The following NTSR1 variants were observed in gnomAD, a reference collection of about 807,000 sequenced individuals.
The protein encoded by NTSR1 is neurotensin receptor 1.
In NTSR1, 29 loss-of-function variants were observed where a neutral mutation model predicts 31.2. The ratio of observed to expected loss-of-function variants is 0.93; its 90% CI spans 0.69 to 1.27. The LOEUF (loss-of-function observed/expected upper bound fraction) is 1.27, where lower values mean the gene tolerates loss of function less well. NTSR1 is among the 50% of genes most tolerant of loss of function. The pLI is 0.00. For missense variants in NTSR1, 697 were observed against 595.4 expected (o/e 1.17, Z -1.78); for synonymous variants, 282 against 269.9 (o/e 1.04, Z -0.44).
At position 62,758,908 on chromosome 20, in the gene NTSR1, C is replaced by T. The variant is rs929106905; in HGVS notation, c.1007+552C>T. 6.6e-6 allele frequency among the ~76,000 whole-genome samples: 1 copy of T among 152,160 alleles called. No individual in the cohort carries two copies. Among genetic ancestry groups the T allele is most frequent in the African/African-American group, 2.4e-5 (1 of 41,422 alleles). On this transcript the variant is annotated intron_variant, in intron 3 of 3. Transcript: ENST00000370501. This position sits in a 1 kb window ranked among gnomAD's most constrained non-coding sequence, Gnocchi z 4.5. The stretch of plus-strand genomic sequence containing the variant: ...GAGCCTCACAGGACGATATGGGGGC[C>T]GATCACAGGGGCACCCACTGCCTGG...
At chr20:62,753,741 C>G (rs1989432339) in intron 1 of NTSR1, among the ~76,000 whole-genome samples, 1 of 152,238 alleles carries the variant, frequency 6.6e-6, no homozygotes, top group African/African-American at 2.4e-5. Context: ...ATTCCACTGC[C>G]CCAGGGAGGG....
intron 1 of NTSR1, among the ~76,000 whole-genome samples, chr20:62,750,927 G>A (rs1193066393): frequency 6.6e-6 from 1 of 152,160 alleles, no homozygotes; most frequent in Non-Finnish European, 1.5e-5. Flanking sequence ...CCAGGCTGGA[G>A]TGCAGTGGCG....
chr20:62,741,950 A>G lies in NTSR1; in HGVS notation c.715-12735A>G, dbSNP rs1388578136. On this transcript the variant is annotated intron_variant, in intron 1 of 3. Coordinates refer to ENST00000370501, the MANE Select transcript of NTSR1 (RefSeq NM_002531.3). This position sits in a 1 kb window ranked among gnomAD's most constrained non-coding sequence, Gnocchi z 4.3. ...TCTTTATCTACAAAAGGAGCCTGAC[A>G]GGAGCCTCTGCCTCACAGATGAGAC... is the stretch of plus-strand genomic sequence containing the variant. Among the ~76,000 whole-genome samples, 1 of 149,506 alleles carries G rather than the reference A, an allele frequency of 6.7e-6. No individual in the cohort carries two copies.
Position 62,732,334 on chromosome 20 carries a change from C to T in NTSR1, c.715-22351C>T, listed in dbSNP as rs183416298. 1.2e-3 allele frequency among the ~76,000 whole-genome samples: 184 copies of T among 152,270 alleles called. No homozygotes were observed. Among genetic ancestry groups the T allele is most frequent in the African/African-American group, 3.6e-3 (151 of 41,556 alleles). ...GTAGGTTTTTAGTAGATGTTCTCTA[C>T]CAAGCTGAGGGAGTTCCCTTGTATT... On this transcript the variant is annotated intron_variant, in intron 1 of 3. Transcript: ENST00000370501. The surrounding 1 kb of genome is among the most constrained non-coding windows in gnomAD (Gnocchi z 4.0).
intron 1 of NTSR1, among the ~76,000 whole-genome samples, chr20:62,750,690 C>CAAA (rs59850535): frequency 1.4e-3 from 74 of 54,792 alleles, no homozygotes; most frequent in Non-Finnish European, 2.1e-3. Flanking sequence ...GACTCCGTCT[C>CAAA]AAAAAAAAAA....
intron 1 of NTSR1, among the ~76,000 whole-genome samples, chr20:62,734,315 A>AC (rs1199863482): frequency 6.6e-6 from 1 of 151,462 alleles, no homozygotes; most frequent in African/African-American, 2.4e-5. Context: ...AAAAAAAAAA[A>AC]TCTTGGCTCA....
At chr20:62,755,852 TCCTC>T (rs1167767461) in intron 2 of NTSR1, among the ~76,000 whole-genome samples, 2 of 41,698 alleles carry the variant, frequency 4.8e-5, no homozygotes, top group African/African-American at 2.0e-4. Context: ...CCTCCATCCA[TCCTC>T]CCTCCCTCCA....
chr20:62,729,485 C>T (rs950453804), intron 1 of NTSR1, among the ~76,000 whole-genome samples: 1 of 152,154 alleles, frequency 6.6e-6, no homozygotes, highest in Non-Finnish European at 1.5e-5. Context: ...ACACAGGTGA[C>T]ACAGGTGTAG....
chr20:62,760,228 C>T lies in NTSR1; in HGVS notation c.1218C>T (p.His406=). The T allele has an allele frequency of 3.1e-6, 5 of 1,613,508 alleles. No individual in the cohort carries two copies. The highest frequency in any genetic ancestry group is 1.1e-5 in the South Asian group (1 of 91,078). The change falls in exon 4 of 4, where the codon CAC becomes CAT. Residue 406 remains histidine (H), a synonymous_variant. Coordinates refer to ENST00000370501, the MANE Select transcript of NTSR1 (RefSeq NM_002531.3). ...SRKADSVSSN[H]TLSSNATRET... ...AGGCCGACAGCGTGTCCAGCAACCA[C>T]ACCCTCTCCAGCAATGCCACCCGCG...
At chr20:62,735,591 T>C (rs1188353603) in intron 1 of NTSR1, among the ~76,000 whole-genome samples, 3 of 152,194 alleles carry the variant, frequency 2.0e-5, no homozygotes, top group Non-Finnish European at 2.9e-5. Flanking sequence ...TGGGCGGGGA[T>C]GATTCAGAGA....
rs1391805030 is a variant in NTSR1, at chr20:62,745,689, G to A, written c.715-8996G>A. ...CAGACAGAGACACATATTCTGCCTCGCCTCCAAATCCAGCTTGGCGTGGAC... is the reference window on the plus strand; with the variant it reads ...CAGACAGAGACACATATTCTGCCTCACCTCCAAATCCAGCTTGGCGTGGAC... On this transcript the variant is annotated intron_variant, in intron 1 of 3. Coordinates refer to ENST00000370501, the MANE Select transcript of NTSR1 (RefSeq NM_002531.3). The surrounding 1 kb of genome is among the most constrained non-coding windows in gnomAD (Gnocchi z 4.1). 6.6e-6 allele frequency among the ~76,000 whole-genome samples: 1 copy of A among 152,214 alleles called. No homozygotes were observed. The highest frequency in any genetic ancestry group is 2.4e-5 in the African/African-American group (1 of 41,452).
rs567609047 is a variant in NTSR1, at chr20:62,750,956, G to A, written c.715-3729G>A. Among the ~76,000 whole-genome samples the A allele has an allele frequency of 2.7e-3, 408 of 152,266 alleles. 4 individuals are homozygous for A. The highest frequency in any genetic ancestry group is 9.5e-3 in the African/African-American group (394 of 41,536). ...AGTGGCGAAGTCATAGCTCACTGTA[G>A]CCTCAAACTCCTGGGCTCAAACAAT... On this transcript the variant is annotated intron_variant, in intron 1 of 3. Coordinates refer to ENST00000370501, the MANE Select transcript of NTSR1 (RefSeq NM_002531.3).
intron 1 of NTSR1, among the ~76,000 whole-genome samples, chr20:62,740,989 G>A (rs1311958742): frequency 6.6e-6 from 1 of 152,076 alleles, no homozygotes; most frequent in Non-Finnish European, 1.5e-5. Context: ...GACTAATGGG[G>A]CACACTGGGG....
At chr20:62,730,642 G>A (rs1988987150) in intron 1 of NTSR1, among the ~76,000 whole-genome samples, 1 of 152,230 alleles carries the variant, frequency 6.6e-6, no homozygotes, top group Non-Finnish European at 1.5e-5. Flanking sequence ...GATACGTTGA[G>A]CTTTGTAGGA....
intron 1 of NTSR1, among the ~76,000 whole-genome samples, chr20:62,717,663 G>A (rs1459283617): frequency 5.3e-5 from 8 of 152,194 alleles, no homozygotes; most frequent in Admixed American, 3.9e-4. Flanking sequence ...ATGCAGCAGC[G>A]CTTGGGAGGG....
rs889518529 is a variant in NTSR1, at chr20:62,742,447, G to A, written c.715-12238G>A. Among the ~76,000 whole-genome samples the A allele has an allele frequency of 6.7e-6, 1 of 149,498 alleles. No individual in the cohort carries two copies. The highest frequency in any genetic ancestry group is 2.5e-5 in the African/African-American group (1 of 40,044). ...GCATTCCAGATCCCAGCAGCATCTC[G>A]AGCCGGGCCTGGTACTGCTTAGATG... On this transcript the variant is annotated intron_variant, in intron 1 of 3. Transcript: ENST00000370501. The surrounding 1 kb of genome is among the most constrained non-coding windows in gnomAD (Gnocchi z 7.1).
chr20:62,755,937 C>G (rs1021414677), intron 2 of NTSR1, among the ~76,000 whole-genome samples: 1 of 141,062 alleles, frequency 7.1e-6, no homozygotes, highest in Non-Finnish European at 1.5e-5. Context: ...CCTTCCCTCC[C>G]TTGTTCCATT....
chr20:62,712,021 G>T lies in NTSR1; in HGVS notation c.714+2100G>T, dbSNP rs145673199. ...ATTTTTCTTTAAAGGGCTCAGCTGC[G>T]TGCCTGGGAGCAGCTGATTACAAGG... is the stretch of plus-strand genomic sequence containing the variant. On this transcript the variant is annotated intron_variant, in intron 1 of 3. Coordinates refer to ENST00000370501, the MANE Select transcript of NTSR1 (RefSeq NM_002531.3). 4.2e-3 allele frequency among the ~76,000 whole-genome samples: 634 copies of T among 152,340 alleles called. 3 individuals carry two copies. Among genetic ancestry groups the T allele is most frequent in the African/African-American group, 0.014 (586 of 41,572 alleles).
At chr20:62,750,718 C>T (rs1355005225) in intron 1 of NTSR1, among the ~76,000 whole-genome samples, 4 of 146,256 alleles carry the variant, frequency 2.7e-5, no homozygotes, top group Non-Finnish European at 6.0e-5. Context: ...AAAAACAATA[C>T]TGCATTGCAC....
Sources: gnomAD v4.1 joint callset for allele counts (sites outside exome capture counted in the v4.1 genomes callset) on GRCh38, gnomAD v4.1.1 for gene constraint, Gnocchi (gnomAD v3.1) non-coding constraint, MANE v1.5 for transcripts, NCBI Gene and HGNC (gene_info 2026-07-23, HGNC 2026-07-21) for gene names.